Variants in AJAP1 observed in about 807,000 individuals in gnomAD.
The protein encoded by AJAP1 is adherens junctions associated protein 1.
A neutral mutation model predicts 35.0 loss-of-function variants in AJAP1; 5 were observed. That is an observed-to-expected ratio of 0.14 (90% CI 0.07 to 0.30). The LOEUF (loss-of-function observed/expected upper bound fraction) is 0.30, where lower values mean the gene tolerates loss of function less well. Ranked by LOEUF, AJAP1 falls within the 10% of genes least tolerant of loss-of-function variation. The probability of loss-of-function intolerance (pLI) is 1.00; values close to 1 mark genes in which losing one functional copy is unlikely to be tolerated. For missense variants in AJAP1, 586 were observed against 571.0 expected (o/e 1.03, Z -0.27); for synonymous variants, 284 against 249.3 (o/e 1.14, Z -1.31).
chr1:4,739,784 TGGC>T (rs1289739116), intron 2 of AJAP1, among the ~76,000 whole-genome samples: 1 of 152,254 alleles, frequency 6.6e-6, no homozygotes, highest in African/African-American at 2.4e-5. Context: ...AGCATGGTTG[TGGC>T]GGCCCTCACT....
chr1:4,749,517 G>A lies in AJAP1; in HGVS notation c.830-20336G>A, dbSNP rs1051192579. Among the ~76,000 whole-genome samples the A allele has an allele frequency of 3.9e-5, 6 of 152,296 alleles. No individual in the cohort carries two copies. In the South Asian group the frequency reaches 1.2e-3, roughly 32 times the overall value. ...ATATGCCTCTGTCTTCTCCACTGCC[G>A]GCTTCCGGAGGATGGGCAACCCAGC... is the stretch of plus-strand genomic sequence containing the variant. On this transcript the variant is annotated intron_variant, in intron 2 of 5. Transcript: ENST00000378191.
chr1:4,766,788 G>T (rs1322098285), intron 2 of AJAP1, among the ~76,000 whole-genome samples: 1 of 152,180 alleles, frequency 6.6e-6, no homozygotes, highest in Admixed American at 6.5e-5. Context: ...GGACACTGGA[G>T]CAGAGAATTG....
rs552152863 is a variant in AJAP1, at chr1:4,659,808, G to A, written c.29+4354G>A. ...GACTAGCTAAAACAGGGACAGGATG[G>A]AAGCACCATTCCATAAGACATGCCC... is the stretch of plus-strand genomic sequence containing the variant. On this transcript the variant is annotated intron_variant, in intron 1 of 5. Coordinates refer to ENST00000378191, the MANE Select transcript of AJAP1 (RefSeq NM_018836.4). Among the ~76,000 whole-genome samples the A allele has an allele frequency of 5.9e-5, 9 of 152,322 alleles. No individual in the cohort carries two copies. In the South Asian group the frequency reaches 1.2e-3, roughly 21 times the overall value.
intron 1 of AJAP1, among the ~76,000 whole-genome samples, chr1:4,660,575 C>A (rs942126026): frequency 2.0e-5 from 3 of 152,118 alleles, no homozygotes; most frequent in Admixed American, 6.5e-5. Flanking sequence ...AACTAACATT[C>A]TCTACTAATC....
intron 2 of AJAP1, among the ~76,000 whole-genome samples, chr1:4,732,069 T>C (rs1640809614): frequency 6.6e-6 from 1 of 152,242 alleles, no homozygotes; most frequent in African/African-American, 2.4e-5. Flanking sequence ...GGATGTGCTC[T>C]TGGGGAGAGG....
At chr1:4,764,190 G>A (rs1641631822) in intron 2 of AJAP1, among the ~76,000 whole-genome samples, 1 of 152,100 alleles carries the variant, frequency 6.6e-6, no homozygotes, top group African/African-American at 2.4e-5. Flanking sequence ...ATATTTCATT[G>A]GTTTTGTTTC....
intron 1 of AJAP1, among the ~76,000 whole-genome samples, chr1:4,701,933 C>T (rs1486160979): frequency 1.3e-5 from 2 of 152,218 alleles, no homozygotes. Flanking sequence ...TTTCCTCCCC[C>T]AACACCCCGC....
chr1:4,679,852 T>TGTGTGTGTGTGG (rs1553154879), intron 1 of AJAP1, among the ~76,000 whole-genome samples: 1 of 141,020 alleles, frequency 7.1e-6, no homozygotes, highest in African/African-American at 2.6e-5. Flanking sequence ...TGTGTGTGTG[T>TGTGTGTGTGTGG]AGAGAGAGAT....
intron 1 of AJAP1, among the ~76,000 whole-genome samples, chr1:4,677,195 A>G (rs61765023): frequency 5.9e-5 from 9 of 152,170 alleles, no homozygotes; most frequent in Non-Finnish European, 1.0e-4. Context: ...AAATGCCTCT[A>G]ATGCGATGCT....
intron 1 of AJAP1, among the ~76,000 whole-genome samples, chr1:4,691,438 G>T (rs528796793): frequency 1.3e-5 from 2 of 152,344 alleles, no homozygotes; most frequent in African/African-American, 4.8e-5. Flanking sequence ...AGTGCTTTAG[G>T]TGACAGGTAT....
chr1:4,673,024 G>C (rs2100518221), intron 1 of AJAP1, among the ~76,000 whole-genome samples: 1 of 152,272 alleles, frequency 6.6e-6, no homozygotes, highest in East Asian at 1.9e-4. Flanking sequence ...CAGTCGAGGT[G>C]GGACCTCTGT....
intron 1 of AJAP1, among the ~76,000 whole-genome samples, chr1:4,701,434 G>A (rs1041680990): frequency 6.6e-6 from 1 of 152,170 alleles, no homozygotes; most frequent in Non-Finnish European, 1.5e-5. Flanking sequence ...AGCAGCTGTA[G>A]GTCAGCCATG....
intron 1 of AJAP1, among the ~76,000 whole-genome samples, chr1:4,701,083 G>A (rs1200640897): frequency 2.0e-5 from 3 of 152,250 alleles, no homozygotes; most frequent in Non-Finnish European, 4.4e-5. Context: ...GAACGCCAGC[G>A]CCGTTGCTAT....
chr1:4,750,728 C>T (rs1641303098), intron 2 of AJAP1, among the ~76,000 whole-genome samples: 1 of 151,506 alleles, frequency 6.6e-6, no homozygotes, highest in African/African-American at 2.4e-5. Flanking sequence ...TTAGAGGATG[C>T]TGCTGTCACC....
chr1:4,758,775 A>G (rs1480682957), intron 2 of AJAP1, among the ~76,000 whole-genome samples: 1 of 152,200 alleles, frequency 6.6e-6, no homozygotes, highest in Admixed American at 6.5e-5. Context: ...TGCATACGTC[A>G]GGCTGCTGCT....
intron 2 of AJAP1, among the ~76,000 whole-genome samples, chr1:4,758,277 T>C (rs1053055281): frequency 1.3e-5 from 2 of 152,188 alleles, no homozygotes; most frequent in African/African-American, 2.4e-5. Flanking sequence ...TGTCAGATCC[T>C]ATACGAGCAT....
At chr1:4,777,294 T>A (rs1006445847) in intron 5 of AJAP1, 1 of 152,238 alleles carries the variant, frequency 6.6e-6, no homozygotes, top group African/African-American at 2.4e-5. Flanking sequence ...TCCAAATGCA[T>A]TTTTAATGAC....
intron 2 of AJAP1, among the ~76,000 whole-genome samples, chr1:4,762,851 C>T (rs754009996): frequency 9.9e-5 from 15 of 152,150 alleles, no homozygotes; most frequent in East Asian, 5.8e-4. Flanking sequence ...GCTGTAAATG[C>T]GCTAATTCAC....
At chr1:4,716,612 T>A (rs1298996358) in intron 2 of AJAP1, among the ~76,000 whole-genome samples, 1 of 151,778 alleles carries the variant, frequency 6.6e-6, no homozygotes, top group Admixed American at 6.6e-5. Flanking sequence ...ATGGTGATAA[T>A]GATGGTAATG....
Sources: gnomAD v4.1 joint callset for allele counts (sites outside exome capture counted in the v4.1 genomes callset) on GRCh38, gnomAD v4.1.1 for gene constraint, MANE v1.5 for transcripts, NCBI Gene and HGNC (gene_info 2026-07-23, HGNC 2026-07-21) for gene names.